Variants in SUGCT observed in about 807,000 individuals in gnomAD.
The protein encoded by SUGCT is succinyl-CoA:glutarate-CoA transferase.
A neutral mutation model predicts 55.0 loss-of-function variants in SUGCT; 41 were observed. The observed-to-expected ratio is 0.74, with a 90% CI of 0.58 to 0.97. The LOEUF is 0.97. Ranked by LOEUF, SUGCT falls within the 50% of genes least tolerant of loss-of-function variation. The pLI is 0.00. For synonymous variants in SUGCT, 187 were observed against 200.4 expected (o/e 0.93, Z 0.56); for missense variants, 568 against 547.8 (o/e 1.04, Z -0.37).
At chr7:40,924,654 C>T in the SUGCT span, among the ~76,000 whole-genome samples, 1 of 152,176 alleles carries the variant, frequency 6.6e-6, no homozygotes, top group African/African-American at 2.4e-5. Flanking sequence ...CAGCTCTCTC[C>T]TTCAACTAGG....
chr7:40,732,952 G>A (rs1786972535), intron 12 of SUGCT, among the ~76,000 whole-genome samples: 1 of 151,470 alleles, frequency 6.6e-6, no homozygotes, highest in Admixed American at 6.6e-5. Context: ...GCGCATGTCT[G>A]TAATCCCAGC....
chr7:40,890,686 T>C, the SUGCT span, among the ~76,000 whole-genome samples: 2 of 152,166 alleles, frequency 1.3e-5, no homozygotes, highest in African/African-American at 4.8e-5. Context: ...GGTAAAAGGC[T>C]TTCCCTGGTG....
chr7:40,983,786 T>A, the SUGCT span, among the ~76,000 whole-genome samples: 1 of 152,216 alleles, frequency 6.6e-6, no homozygotes. Context: ...ACAAAGCATG[T>A]TAGCAATGGA....
the SUGCT span, among the ~76,000 whole-genome samples, chr7:40,935,819 A>T: frequency 6.6e-6 from 1 of 152,196 alleles, no homozygotes; most frequent in South Asian, 2.1e-4. Flanking sequence ...AGTAATAATG[A>T]AGCTATTTTC....
chr7:40,559,010 A>G (rs551732171), intron 12 of SUGCT, among the ~76,000 whole-genome samples: 1 of 152,366 alleles, frequency 6.6e-6, no homozygotes, highest in African/African-American at 2.4e-5. Context: ...TGAATAAACA[A>G]AGGCATAATT....
chr7:40,537,593 G>C (rs1415507367), intron 12 of SUGCT, among the ~76,000 whole-genome samples: 1 of 152,172 alleles, frequency 6.6e-6, no homozygotes, highest in African/African-American at 2.4e-5. Context: ...TTTTTGTGTT[G>C]TATAACTTGG....
chr7:40,608,110 G>A (rs1170722533), intron 12 of SUGCT, among the ~76,000 whole-genome samples: 1 of 152,174 alleles, frequency 6.6e-6, no homozygotes, highest in Non-Finnish European at 1.5e-5. Flanking sequence ...TGAATCTGAA[G>A]CTCTTTGTAT....
At chr7:40,254,259 C>T (rs1790644591) in intron 7 of SUGCT, among the ~76,000 whole-genome samples, 1 of 152,138 alleles carries the variant, frequency 6.6e-6, no homozygotes, top group South Asian at 2.1e-4. Context: ...ACAATGAATC[C>T]TGGTTTTTCA....
intron 8 of SUGCT, among the ~76,000 whole-genome samples, chr7:40,289,374 T>C (rs1003878475): frequency 6.6e-6 from 1 of 152,180 alleles, no homozygotes; most frequent in Non-Finnish European, 1.5e-5. Context: ...TTCCTAGGTA[T>C]GCATGTATAG....
At chr7:40,660,028 G>A (rs146155091) in intron 12 of SUGCT, among the ~76,000 whole-genome samples, 16 of 152,250 alleles carry the variant, frequency 1.1e-4, no homozygotes, top group African/African-American at 3.6e-4. Flanking sequence ...GACACATGAT[G>A]GATGTAATAT....
chr7:40,863,612 G>C (rs140056713), downstream of SUGCT, among the ~76,000 whole-genome samples: 5 of 152,272 alleles, frequency 3.3e-5, no homozygotes, highest in East Asian at 7.7e-4. Flanking sequence ...TGGCAAAGGA[G>C]ATGAGTGGGA....
chr7:40,531,636 T>C (rs1794093394), intron 12 of SUGCT, among the ~76,000 whole-genome samples: 1 of 151,852 alleles, frequency 6.6e-6, no homozygotes. Context: ...GTATTGAGTA[T>C]GAGACAAATA....
At chr7:40,940,406 A>G in the SUGCT span, among the ~76,000 whole-genome samples, 12 of 152,060 alleles carry the variant, frequency 7.9e-5, no homozygotes, top group Admixed American at 2.0e-4. Context: ...GTTTTTTCTA[A>G]TCCTGTGAAA....
chr7:40,422,913 A>G (rs1027933016), intron 9 of SUGCT, among the ~76,000 whole-genome samples: 1 of 152,132 alleles, frequency 6.6e-6, no homozygotes, highest in Non-Finnish European at 1.5e-5. Flanking sequence ...CCATGATTTA[A>G]TAATACTTAT....
the SUGCT span, among the ~76,000 whole-genome samples, chr7:40,932,023 C>A: frequency 6.6e-5 from 10 of 152,246 alleles, no homozygotes; most frequent in African/African-American, 2.4e-4. Flanking sequence ...GTTAGGATGT[C>A]AATTTTAGAT....
At chr7:40,446,726 C>T (rs1788857506) in intron 9 of SUGCT, among the ~76,000 whole-genome samples, 1 of 152,132 alleles carries the variant, frequency 6.6e-6, no homozygotes, top group South Asian at 2.1e-4. Flanking sequence ...GCCTAACATT[C>T]TTCAGATATC....
At chr7:40,393,118 T>C (rs1161505014) in intron 9 of SUGCT, among the ~76,000 whole-genome samples, 1 of 152,170 alleles carries the variant, frequency 6.6e-6, no homozygotes, top group Non-Finnish European at 1.5e-5. Flanking sequence ...TCATCTGTGG[T>C]AGGTGCTATT....
intron 12 of SUGCT, among the ~76,000 whole-genome samples, chr7:40,723,088 G>A (rs1430136846): frequency 6.6e-6 from 1 of 152,008 alleles, no homozygotes; most frequent in Non-Finnish European, 1.5e-5. Flanking sequence ...ATGACAAAGT[G>A]CTTCCAAAGC....
Position 40,405,826 on chromosome 7 carries a change from A to G in SUGCT, c.817-43461A>G, listed in dbSNP as rs909858028. On this transcript the variant is annotated intron_variant, in intron 9 of 13. Coordinates refer to ENST00000335693, the MANE Select transcript of SUGCT (RefSeq NM_001193313.2). ...CTCTGTCTAAAAAAAAAAAAAAAAAAAAAAGAAAAACCAATGAGGAAATGT... is the reference window on the plus strand; with the variant it reads ...CTCTGTCTAAAAAAAAAAAAAAAAAGAAAAGAAAAACCAATGAGGAAATGT... 7.9e-5 allele frequency among the ~76,000 whole-genome samples: 12 copies of G among 151,500 alleles called. No individual in the cohort carries two copies. The South Asian group carries it at 8.3e-4, about 10-fold the overall frequency.
Sources: allele counts gnomAD v4.1 joint callset (sites outside exome capture counted in the v4.1 genomes callset), GRCh38; gene constraint gnomAD v4.1.1; transcripts MANE v1.5; gene names NCBI Gene and HGNC (gene_info 2026-07-23, HGNC 2026-07-21).